POFUT3: variants seen among roughly 807,000 people sequenced by gnomAD.
The protein encoded by POFUT3 is protein O-fucosyltransferase 3, also known as GDP-fucose protein O-fucosyltransferase 3.
the POFUT3 span, among the ~76,000 whole-genome samples, chr8:33,397,410 G>A: frequency 6.6e-6 from 1 of 152,180 alleles, no homozygotes; most frequent in East Asian, 1.9e-4. Flanking sequence ...AGCACTCCCA[G>A]GTTATTGTCA....
chr8:33,372,501 T>C, the POFUT3 span: 4 of 1,517,164 alleles, frequency 2.6e-6, no homozygotes, highest in Non-Finnish European at 3.5e-6. Context: ...ATAGCTATTA[T>C]GTTCAAATAT....
the POFUT3 span, among the ~76,000 whole-genome samples, chr8:33,418,323 G>A: frequency 6.6e-6 from 1 of 151,574 alleles, no homozygotes; most frequent in Non-Finnish European, 1.5e-5. Context: ...AAACCACAAT[G>A]TGTATCATCT....
the POFUT3 span, among the ~76,000 whole-genome samples, chr8:33,395,252 C>T: frequency 6.6e-6 from 1 of 152,150 alleles, no homozygotes; most frequent in African/African-American, 2.4e-5. Context: ...CAAATGTTGC[C>T]TTTTGGCCTG....
the POFUT3 span, among the ~76,000 whole-genome samples, chr8:33,418,366 C>CA: frequency 6.9e-6 from 1 of 144,900 alleles, no homozygotes; most frequent in South Asian, 2.2e-4. Context: ...ATTAAAGAGA[C>CA]AAAAAATAAC....
the POFUT3 span, among the ~76,000 whole-genome samples, chr8:33,410,420 C>T: frequency 4.2e-3 from 642 of 152,168 alleles, 5 homozygotes; most frequent in African/African-American, 0.014. Context: ...GGGCTTGTGT[C>T]GCCGGGCAGC....
chr8:33,454,555 G>A, the POFUT3 span, among the ~76,000 whole-genome samples: 1 of 152,140 alleles, frequency 6.6e-6, no homozygotes, highest in Non-Finnish European at 1.5e-5. Context: ...ATCAGGGAGT[G>A]GACACAGCCT....
the POFUT3 span, among the ~76,000 whole-genome samples, chr8:33,342,215 G>C: frequency 6.6e-6 from 1 of 151,932 alleles, no homozygotes; most frequent in East Asian, 1.9e-4. Context: ...AAATTAGCCA[G>C]GTGTGATGGC....
At chr8:33,392,074 A>G in the POFUT3 span, among the ~76,000 whole-genome samples, 10 of 152,136 alleles carry the variant, frequency 6.6e-5, no homozygotes, top group Admixed American at 2.0e-4. Flanking sequence ...GATGCTTATT[A>G]ATAGAGAGGA....
chr8:33,312,213 GA>G, the POFUT3 span, among the ~76,000 whole-genome samples: 2 of 151,526 alleles, frequency 1.3e-5, no homozygotes, highest in Non-Finnish European at 2.9e-5. Context: ...AGTTAGCTGA[GA>G]TTGCACCACT....
At chr8:33,312,710 C>G in the POFUT3 span, among the ~76,000 whole-genome samples, 2 of 152,096 alleles carry the variant, frequency 1.3e-5, no homozygotes, top group African/African-American at 4.8e-5. Flanking sequence ...TCATCCTGTG[C>G]AGTTTGTGGC....
At chr8:33,454,674 CTT>C in the POFUT3 span, among the ~76,000 whole-genome samples, 40 of 141,044 alleles carry the variant, frequency 2.8e-4, no homozygotes, top group Admixed American at 5.0e-4. Context: ...AGTTTTGCCT[CTT>C]TTTTTTTTTT....
chr8:33,334,208 T>C, the POFUT3 span, among the ~76,000 whole-genome samples: 1 of 152,090 alleles, frequency 6.6e-6, no homozygotes, highest in Non-Finnish European at 1.5e-5. Context: ...GGTGACCCTA[T>C]TAAGTTGAAA....
At chr8:33,363,534 A>C in the POFUT3 span, among the ~76,000 whole-genome samples, 1 of 152,170 alleles carries the variant, frequency 6.6e-6, no homozygotes, top group South Asian at 2.1e-4. Context: ...AAGACTAATA[A>C]AGAAGAAAAG....
chr8:33,394,434 C>T, the POFUT3 span, among the ~76,000 whole-genome samples: 6 of 152,092 alleles, frequency 3.9e-5, no homozygotes, highest in South Asian at 4.2e-4. Context: ...GAAGTCTTAC[C>T]CCTCTTTACC....
At chr8:33,384,656 C>G in the POFUT3 span, among the ~76,000 whole-genome samples, 1 of 151,948 alleles carries the variant, frequency 6.6e-6, no homozygotes, top group Non-Finnish European at 1.5e-5. Context: ...CCCGTCTCTA[C>G]TAAAAATATA....
chr8:33,317,967 C>G, the POFUT3 span, among the ~76,000 whole-genome samples: 3 of 152,070 alleles, frequency 2.0e-5, no homozygotes, highest in Non-Finnish European at 4.4e-5. Context: ...GTAAATTATC[C>G]CTTTTGTGCA....
chr8:33,456,986 G>T, the POFUT3 span, among the ~76,000 whole-genome samples: 8 of 151,870 alleles, frequency 5.3e-5, no homozygotes, highest in African/African-American at 1.7e-4. Flanking sequence ...GGCCAGGATG[G>T]TCTCAATCTT....
At chr8:33,390,618 T>A in the POFUT3 span, among the ~76,000 whole-genome samples, 1 of 151,588 alleles carries the variant, frequency 6.6e-6, no homozygotes, top group Non-Finnish European at 1.5e-5. Flanking sequence ...TAGATTTTTT[T>A]AATCCAAAAT....
chr8:33,314,033 ACT>A, the POFUT3 span, among the ~76,000 whole-genome samples: 4 of 152,114 alleles, frequency 2.6e-5, no homozygotes, highest in Non-Finnish European at 4.4e-5. Flanking sequence ...GCTCCCTATA[ACT>A]CTGCCTACTT....
Sources: gnomAD v4.1 joint callset for allele counts (sites outside exome capture counted in the v4.1 genomes callset) on GRCh38, gnomAD v4.1.1 for gene constraint, MANE v1.5 for transcripts, NCBI Gene and HGNC (gene_info 2026-07-23, HGNC 2026-07-21) for gene names.